The following MTMR2 variants were observed in gnomAD, a reference collection of about 807,000 sequenced individuals.
MTMR2 encodes the protein phosphatidylinositol-3,5-bisphosphate 3-phosphatase MTMR2.
Under a neutral mutation model 86.9 loss-of-function variants are expected in MTMR2, and 55 were observed. That is an observed-to-expected ratio of 0.63 (90% CI 0.51 to 0.79). The LOEUF (loss-of-function observed/expected upper bound fraction) is 0.79. Among genes scored for constraint, MTMR2 ranks in the 30% least tolerant of loss-of-function variants. The pLI is 0.00. For synonymous variants in MTMR2, 241 were observed against 266.8 expected (o/e 0.90, Z 0.94); for missense variants, 659 against 772.3 (o/e 0.85, Z 1.74).
At chr11:95,861,244 G>T (rs534895905) in intron 5 of MTMR2, among the ~76,000 whole-genome samples, 1 of 150,988 alleles carries the variant, frequency 6.6e-6, no homozygotes, top group Non-Finnish European at 1.5e-5. Flanking sequence ...CTTCCACTAC[G>T]AAGTAGTGGA....
rs141498429 is a variant in MTMR2 at position 95,888,155 on chromosome 11, CCCT to C, written c.184_186del (p.Arg62del). On this transcript the variant is annotated inframe_deletion and splice_region_variant, in exon 2 of 15. Coordinates refer to ENST00000346299, the MANE Select transcript of MTMR2 (RefSeq NM_016156.6). ...TCAGAACTTTAAAATAGTATACATA[CCCT>C]CAAATCAGGAGAAAAGTTGTCGGCA... 4.6e-4 allele frequency: 733 copies of C among 1,581,962 alleles called. 5 individuals are homozygous for C. The African/African-American group carries it at 7.2e-3, about 15-fold the overall frequency.
intron 2 of MTMR2, among the ~76,000 whole-genome samples, chr11:95,874,398 C>G (rs1292061304): frequency 6.6e-6 from 1 of 152,066 alleles, no homozygotes; most frequent in Non-Finnish European, 1.5e-5. Context: ...TCTGTTTTAT[C>G]AGAGACTAGG....
chr11:95,858,930 C>T (rs142997319), intron 5 of MTMR2, among the ~76,000 whole-genome samples: 73 of 152,220 alleles, frequency 4.8e-4, no homozygotes, highest in African/African-American at 1.5e-3. Context: ...TGGAGATTAA[C>T]GATATTACAT....
At chr11:95,878,278 G>C (rs563392720) in intron 2 of MTMR2, among the ~76,000 whole-genome samples, 1 of 150,268 alleles carries the variant, frequency 6.7e-6, no homozygotes, top group African/African-American at 2.5e-5. Flanking sequence ...TGATTGCCTG[G>C]TGTTCAGGGA....
intron 2 of MTMR2, among the ~76,000 whole-genome samples, chr11:95,871,809 C>A (rs1333635061): frequency 6.6e-6 from 1 of 152,132 alleles, no homozygotes; most frequent in East Asian, 1.9e-4. Flanking sequence ...AGTCCTTGAC[C>A]ATGCCTATGT....
chr11:95,897,785 A>G (rs1194077841), intron 1 of MTMR2, among the ~76,000 whole-genome samples: 1 of 152,136 alleles, frequency 6.6e-6, no homozygotes, highest in African/African-American at 2.4e-5. Flanking sequence ...CTTCTCTCTA[A>G]ATGATTTAAT....
chr11:95,903,958 C>CA (rs1241817091), intron 1 of MTMR2, among the ~76,000 whole-genome samples: 6 of 151,704 alleles, frequency 4.0e-5, no homozygotes, highest in South Asian at 4.2e-4. Context: ...ACTAAAAATA[C>CA]AAAAAAATTA....
At chr11:95,898,142 C>T (rs60940436) in intron 1 of MTMR2, among the ~76,000 whole-genome samples, 8,393 of 151,966 alleles carry the variant, frequency 0.055, 813 homozygotes, top group African/African-American at 0.19. Flanking sequence ...TGTCTATCAT[C>T]ATTGCCTCCA....
chr11:95,918,479 T>C (rs1403577227), intron 1 of MTMR2, among the ~76,000 whole-genome samples: 1 of 152,220 alleles, frequency 6.6e-6, no homozygotes, highest in East Asian at 1.9e-4. Flanking sequence ...CACTATCAAC[T>C]TGCATTCTTC....
intron 8 of MTMR2, 40 bp from the exon 9 acceptor site, chr11:95,849,902 T>A: frequency 6.5e-7 from 1 of 1,545,766 alleles, no homozygotes. Flanking sequence ...TTTACATACT[T>A]CTCTGTTTAT....
At chr11:95,851,055 CTTTTTTTTTTTTTTTTT>C (rs55809121) in intron 7 of MTMR2, among the ~76,000 whole-genome samples, 1 of 93,396 alleles carries the variant, frequency 1.1e-5, no homozygotes, top group East Asian at 3.0e-4. Context: ...TCAAATATTC[CTTTTTTTTTTTTTTTTT>C]TTTTTTTTGA....
At position 95,844,940 on chromosome 11, in the gene MTMR2, GTTCC is replaced by G; in HGVS notation, c.1386+9_1386+12del. 6.3e-7 allele frequency: 1 copy of G among 1,579,634 alleles called. No individual in the cohort carries two copies. Among genetic ancestry groups the G allele is most frequent in the East Asian group, 2.2e-5 (1 of 44,780 alleles). On this transcript the variant is annotated intron_variant, in intron 11 of 14. Transcript: ENST00000346299. ...TGCATGTGATATATCCAAAGTCAAGGTTCCTTACTTACTAGTTGAAATCGATGTC... is the reference window on the plus strand; with the variant it reads ...TGCATGTGATATATCCAAAGTCAAGGTTACTTACTAGTTGAAATCGATGTC...
Position 95,838,096 on chromosome 11 carries a change from C to G in MTMR2, c.1591G>C (p.Glu531Gln). ...GAAGGTCATGTTTCATATTTTACCT[C>G]TTTTCCTCTCTGTTGTTCACTATTA... The part of the protein sequence containing the change: ...LCNSEQQRGK[E>Q]NLPKRTVSLW... The change falls in exon 13 of 15, where the codon GAG becomes CAG. Residue 531 changes from glutamate (E) to glutamine (Q), a missense_variant and splice_region_variant. Physicochemically the swap from Glu to Gln is conservative, Grantham distance 29. This residue lies in a region of MTMR2 where 193 missense variants were observed against 191.6 expected (regional missense o/e 1.01). Transcript: ENST00000346299. 1.9e-6 allele frequency: 3 copies of G among 1,578,226 alleles called. No homozygotes were observed. Among genetic ancestry groups the G allele is most frequent in the Non-Finnish European group, 2.6e-6 (3 of 1,147,894 alleles).
chr11:95,876,235 C>A (rs993567277), intron 2 of MTMR2, among the ~76,000 whole-genome samples: 24 of 152,166 alleles, frequency 1.6e-4, no homozygotes, highest in African/African-American at 5.8e-4. Context: ...CCTTGAGCTG[C>A]GGTGGGCTCC....
At chr11:95,906,349 C>G (rs1324314484) in intron 1 of MTMR2, among the ~76,000 whole-genome samples, 2 of 152,168 alleles carry the variant, frequency 1.3e-5, no homozygotes, top group Non-Finnish European at 2.9e-5. Context: ...GAAGACTCAA[C>G]TATCCTAAAT....
Position 95,850,581 on chromosome 11 carries a change from A to G in MTMR2, c.804+19T>C, listed in dbSNP as rs759247884. ...AGTAAAAAAGCACTTGCAAAGGCTC[A>G]TCCAAACTTCCTACTTACTGGGATA... On this transcript the variant is annotated intron_variant, in intron 8 of 14. Transcript: ENST00000346299. The G allele has an allele frequency of 1.9e-6, 3 of 1,591,686 alleles. No individual in the cohort carries two copies. Among genetic ancestry groups the G allele is most frequent in the Admixed American group, 1.7e-5 (1 of 59,842 alleles).
chr11:95,848,410 T>C (rs1038258968), intron 9 of MTMR2, among the ~76,000 whole-genome samples: 5 of 152,138 alleles, frequency 3.3e-5, no homozygotes, highest in Admixed American at 1.3e-4. Flanking sequence ...AACCACATAA[T>C]TCTCTTTAAA....
intron 1 of MTMR2, among the ~76,000 whole-genome samples, chr11:95,891,843 G>A (rs755906700): frequency 3.3e-5 from 5 of 152,034 alleles, no homozygotes; most frequent in African/African-American, 4.8e-5. Context: ...AGAGAAAGGG[G>A]GAGAGAGGGA....
intron 7 of MTMR2, among the ~76,000 whole-genome samples, chr11:95,851,667 G>A (rs1418903840): frequency 2.0e-5 from 3 of 152,192 alleles, no homozygotes; most frequent in Non-Finnish European, 2.9e-5. Context: ...TGACTTTGTT[G>A]CCATTCATCT....
Sources: allele counts gnomAD v4.1 joint callset (sites outside exome capture counted in the v4.1 genomes callset), GRCh38; gene constraint gnomAD v4.1.1; regional missense constraint gnomAD v4.1.1; transcripts MANE v1.5; gene names NCBI Gene and HGNC (gene_info 2026-07-23, HGNC 2026-07-21).